Variants in HIF1A observed in about 807,000 individuals in gnomAD.
HIF1A encodes hypoxia inducible factor 1 subunit alpha.
Under a neutral mutation model 92.7 loss-of-function variants are expected in HIF1A, and 24 were observed. The ratio of observed to expected loss-of-function variants is 0.26; its 90% CI spans 0.19 to 0.36. The LOEUF is 0.36. Ranked by LOEUF, HIF1A falls within the 10% of genes least tolerant of loss-of-function variation. HIF1A has a pLI of 1.00. For synonymous variants in HIF1A, 319 were observed against 338.7 expected (o/e 0.94, Z 0.64); for missense variants, 799 against 998.5 (o/e 0.80, Z 2.69).
chr14:61,716,221 A>T lies in HIF1A; in HGVS notation c.36-4161A>T, dbSNP rs566533418. 2.0e-4 allele frequency among the ~76,000 whole-genome samples: 7 copies of T among 35,414 alleles called. No homozygotes were observed. In the East Asian group the frequency reaches 3.2e-3, roughly 16 times the overall value. 23.2% of individuals were successfully genotyped at this position (35,414 alleles called of 152,430 possible). A position where few individuals can be genotyped will look rare whatever the true frequency, so the allele number is the denominator to read the frequency against. On this transcript the variant is annotated intron_variant, in intron 1 of 14. Transcript: ENST00000337138. The stretch of plus-strand genomic sequence containing the variant: ...CATGGGGGAATTGATATACACATTC[A>T]TGAACTGGCAGAGACAAAAATGGGC...
rs750338699 is a variant in HIF1A, at chr14:61,741,075, A to G, written c.1980A>G (p.Arg660=). The change falls in exon 12 of 15, where the codon AGA becomes AGG. Residue 660 remains arginine, a synonymous_variant. Coordinates refer to ENST00000337138, the MANE Select transcript of HIF1A (RefSeq NM_001530.4). ...CTAGTGCCACATCATCACCATATAG[A>G]GATACTCAAAGTCGGACAGCCTCAC... is the stretch of plus-strand genomic sequence containing the variant. ...ETTSATSSPY[R]DTQSRTASPN... The G allele has an allele frequency of 7.4e-6, 12 of 1,613,950 alleles. No homozygotes were observed. Among genetic ancestry groups the G allele is most frequent in the Middle Eastern group, 1.6e-4 (1 of 6,062 alleles).
chr14:61,698,379 A>T (rs1882830850), intron 1 of HIF1A, among the ~76,000 whole-genome samples: 2 of 152,168 alleles, frequency 1.3e-5, no homozygotes, highest in Non-Finnish European at 2.9e-5. Context: ...CAAGTTACTG[A>T]ATGCCTCTGA....
intron 12 of HIF1A, 145 bp from the exon 13 acceptor site, chr14:61,744,560 A>AGATGAT: frequency 4.5e-6 from 2 of 443,106 alleles, no homozygotes; most frequent in Non-Finnish European, 8.1e-6. Flanking sequence ...AAGATGATAA[A>AGATGAT]CTTTAGTGAT....
At chr14:61,736,431 C>G (rs995932529) in intron 8 of HIF1A, among the ~76,000 whole-genome samples, 1 of 151,668 alleles carries the variant, frequency 6.6e-6, no homozygotes, top group Admixed American at 6.6e-5. Flanking sequence ...TACAATTGAT[C>G]CTGTCACCCA....
chr14:61,695,943 G>A, intron 1 of HIF1A, 104 bp downstream of exon 1: 6 of 1,097,154 alleles, frequency 5.5e-6, no homozygotes, highest in South Asian at 1.4e-5. Context: ...ATTGGGGGGG[G>A]CAGCCTTTTT....
intron 2 of HIF1A, 54 bp downstream of exon 2, chr14:61,720,626 A>T: frequency 8.8e-7 from 1 of 1,130,768 alleles, no homozygotes; most frequent in Non-Finnish European, 1.2e-6. Flanking sequence ...GTTAGAAGTA[A>T]ATAGAAATTA....
At chr14:61,743,782 A>T (rs1177308680) in intron 12 of HIF1A, among the ~76,000 whole-genome samples, 1 of 152,230 alleles carries the variant, frequency 6.6e-6, no homozygotes, top group Non-Finnish European at 1.5e-5. Flanking sequence ...TATTAATTTT[A>T]GATATACATA....
Position 61,732,462 on chromosome 14 carries a change from G to T in HIF1A, c.818G>T (p.Arg273Leu). The part of the protein sequence containing the change: ...MGYEPEELLG[R>L]SIYEYYHALD... ...TATGAGCCAGAAGAACTTTTAGGCC[G>T]CTCAATTTATGAATATTATCATGCT... The change falls in exon 7 of 15, where the codon CGC (arginine) becomes CTC (leucine). Residue 273 changes from arginine to leucine, a missense_variant. Arg to Leu is a moderately radical substitution (Grantham distance 102, BLOSUM62 -2). Coordinates refer to ENST00000337138, the MANE Select transcript of HIF1A (RefSeq NM_001530.4). The T allele has an allele frequency of 6.2e-7, 1 of 1,610,976 alleles. No individual in the cohort carries two copies.
intron 1 of HIF1A, among the ~76,000 whole-genome samples, chr14:61,715,099 G>A (rs1038489639): frequency 6.6e-6 from 1 of 152,066 alleles, no homozygotes; most frequent in Non-Finnish European, 1.5e-5. Flanking sequence ...CACCAACAAT[G>A]TTGAACTTAG....
At chr14:61,742,451 A>T (rs1055903731) in intron 12 of HIF1A, among the ~76,000 whole-genome samples, 2 of 152,172 alleles carry the variant, frequency 1.3e-5, no homozygotes, top group Non-Finnish European at 1.5e-5. Context: ...AGATGAACTC[A>T]GAAGTACTTT....
chr14:61,738,399 G>T, intron 10 of HIF1A, 26 bp downstream of exon 10: 1 of 1,529,578 alleles, frequency 6.5e-7, no homozygotes, highest in Non-Finnish European at 8.8e-7. Flanking sequence ...TAATCAGAAA[G>T]GGACAACTTT....
intron 1 of HIF1A, among the ~76,000 whole-genome samples, chr14:61,705,541 T>C (rs567261318): frequency 1.4e-4 from 22 of 152,320 alleles, no homozygotes; most frequent in Non-Finnish European, 2.8e-4. Context: ...TCATGTTTCT[T>C]CCTTCTATTC....
At chr14:61,745,865 G>A (rs2044776545) in intron 14 of HIF1A, 48 bp downstream of exon 14, 1 of 1,478,550 alleles carries the variant, frequency 6.8e-7, no homozygotes, top group Middle Eastern at 1.8e-4. Context: ...CAAAATACAT[G>A]AAACATTTTT....
At chr14:61,732,137 G>A (rs1459342108) in intron 6 of HIF1A, among the ~76,000 whole-genome samples, 1 of 151,772 alleles carries the variant, frequency 6.6e-6, no homozygotes, top group East Asian at 1.9e-4. Context: ...GGAAACTCTT[G>A]TCTCAAAAAA....
intron 1 of HIF1A, among the ~76,000 whole-genome samples, chr14:61,717,554 C>T (rs946688332): frequency 2.6e-5 from 4 of 152,110 alleles, no homozygotes. Flanking sequence ...TATTTTCAGT[C>T]TACACTAGCT....
At position 61,744,627 on chromosome 14, in the gene HIF1A, T is replaced by C. The variant is rs550465807; in HGVS notation, c.2094-78T>C. 4.2e-5 allele frequency: 25 copies of C among 591,536 alleles called. No homozygotes were observed. The East Asian group carries it at 4.8e-4, about 11-fold the overall frequency. 36.6% of individuals were successfully genotyped at this position (591,536 alleles called of 1,614,324 possible). The stretch of plus-strand genomic sequence containing the variant: ...TTAATATTGGAGAACTAAAGAATTA[T>C]GTATTTTCTTTAAAAGCGCTCACTG... On this transcript the variant is annotated intron_variant, in intron 12 of 14. Coordinates refer to ENST00000337138, the MANE Select transcript of HIF1A (RefSeq NM_001530.4).
chr14:61,711,207 C>CT (rs10615564), intron 1 of HIF1A, among the ~76,000 whole-genome samples: 23,048 of 85,794 alleles, frequency 0.27, 3,361 homozygotes, highest in African/African-American at 0.4. Context: ...TTAAGTATTC[C>CT]TTTTTTTTTT....
At chr14:61,710,373 T>C (rs2044292925) in intron 1 of HIF1A, among the ~76,000 whole-genome samples, 2 of 152,204 alleles carry the variant, frequency 1.3e-5, no homozygotes, top group African/African-American at 4.8e-5. Context: ...TTGGTCTGTT[T>C]TGTTTATTGC....
At chr14:61,729,088 T>C (rs1054153688) in intron 6 of HIF1A, among the ~76,000 whole-genome samples, 1 of 152,226 alleles carries the variant, frequency 6.6e-6, no homozygotes, top group Admixed American at 6.5e-5. Context: ...GATTCACTCA[T>C]GGCTTGCAGC....
Sources: allele counts gnomAD v4.1 joint callset (sites outside exome capture counted in the v4.1 genomes callset), GRCh38; gene constraint gnomAD v4.1.1; transcripts MANE v1.5; gene names NCBI Gene and HGNC (gene_info 2026-07-23, HGNC 2026-07-21).